Variants in PCDH11Y observed in about 807,000 individuals in gnomAD.
PCDH11Y encodes the protein protocadherin 11 Y-linked, also known as protocadherin-11 Y-linked.
For missense variants in PCDH11Y, 12 were observed against 224.8 expected, an observed-to-expected ratio of 0.05 and a Z score of 6.05; for synonymous variants, 9 against 83.6, an observed-to-expected ratio of 0.11 and a Z score of 4.87.
At chrY:5,390,881 C>A in intron 2 of PCDH11Y, among the ~76,000 whole-genome samples, 1 of 32,820 alleles carries the variant, frequency 3.0e-5, no homozygotes, top group African/African-American at 1.2e-4. Context: ...ATTGTGTAAA[C>A]TTAGGAAAAA....
At chrY:5,074,083 T>C in intron 1 of PCDH11Y, among the ~76,000 whole-genome samples, 1 of 32,894 alleles carries the variant, frequency 3.0e-5, no homozygotes, top group East Asian at 8.1e-4. Context: ...TGAAGCTAGA[T>C]AATTCTTCCT....
intron 2 of PCDH11Y, among the ~76,000 whole-genome samples, chrY:5,464,634 CACAG>C (rs2053306733): frequency 6.1e-5 from 2 of 32,729 alleles, no homozygotes; most frequent in African/African-American, 2.4e-4. Flanking sequence ...AGGTTGTCTT[CACAG>C]ACAGAGTCCT....
chrY:5,278,722 G>T, intron 2 of PCDH11Y, among the ~76,000 whole-genome samples: 1 of 33,090 alleles, frequency 3.0e-5, no homozygotes, highest in Non-Finnish European at 7.4e-5. Flanking sequence ...ATAATCTGAA[G>T]TGTGCCAAGA....
intron 2 of PCDH11Y, among the ~76,000 whole-genome samples, chrY:5,156,095 A>G: frequency 4.5e-5 from 1 of 22,107 alleles, no homozygotes; most frequent in Non-Finnish European, 1.0e-4. Context: ...GAGAGCAGAG[A>G]GAACAAGAGA....
At chrY:5,388,195 G>A in intron 2 of PCDH11Y, among the ~76,000 whole-genome samples, 1 of 29,794 alleles carries the variant, frequency 3.4e-5, no homozygotes, top group Non-Finnish European at 8.0e-5. Flanking sequence ...AGGAGACTTC[G>A]CATTTGGTTG....
chrY:5,068,010 C>G, intron 1 of PCDH11Y, among the ~76,000 whole-genome samples: 1 of 10,322 alleles, frequency 9.7e-5, no homozygotes, highest in East Asian at 2.5e-3. Flanking sequence ...AAGACTCCAT[C>G]TCAAAAAAAA....
intron 1 of PCDH11Y, among the ~76,000 whole-genome samples, chrY:5,018,786 T>C (rs2052564314): frequency 3.1e-5 from 1 of 32,225 alleles, no homozygotes; most frequent in African/African-American, 1.2e-4. Flanking sequence ...CCTTAGGGTA[T>C]TTAGTCAGAA....
intron 2 of PCDH11Y, among the ~76,000 whole-genome samples, chrY:5,332,488 T>A: frequency 2.9e-5 from 1 of 34,184 alleles, no homozygotes; most frequent in African/African-American, 1.1e-4. Flanking sequence ...TTGTGAAATA[T>A]CTTTGTATAT....
chrY:5,092,462 A>G, intron 1 of PCDH11Y, among the ~76,000 whole-genome samples: 1 of 33,392 alleles, frequency 3.0e-5, no homozygotes, highest in Non-Finnish European at 7.5e-5. Context: ...GAAGTAGTGC[A>G]TAGACTCTAA....
At chrY:5,126,932 C>T (rs2052826117) in intron 2 of PCDH11Y, among the ~76,000 whole-genome samples, 1 of 31,185 alleles carries the variant, frequency 3.2e-5, no homozygotes, top group Admixed American at 3.0e-4. Context: ...CTTTGTGCAC[C>T]GATCCAACAG....
At chrY:5,496,646 G>GT (rs148245949) in intron 2 of PCDH11Y, among the ~76,000 whole-genome samples, 45 of 27,472 alleles carry the variant, frequency 1.6e-3, no homozygotes, top group Middle Eastern at 0.017. Context: ...AAATGTTGTG[G>GT]TTTTTTTTTT....
chrY:5,168,240 T>C (rs2052882283), intron 2 of PCDH11Y, among the ~76,000 whole-genome samples: 1 of 31,093 alleles, frequency 3.2e-5, no homozygotes. Context: ...AATGAAACCA[T>C]GTAAGATGAA....
chrY:5,297,333 A>AG (rs2124662659), intron 2 of PCDH11Y, among the ~76,000 whole-genome samples: 1 of 33,009 alleles, frequency 3.0e-5, no homozygotes, highest in African/African-American at 1.2e-4. Context: ...TGCCTGGGGT[A>AG]GGGGGTGGCA....
chrY:5,411,692 T>A, intron 2 of PCDH11Y, among the ~76,000 whole-genome samples: 1 of 29,889 alleles, frequency 3.3e-5, no homozygotes, highest in East Asian at 9.1e-4. Flanking sequence ...GAATAGAGAG[T>A]CCTTTCCACA....
At chrY:5,319,578 A>C in intron 2 of PCDH11Y, among the ~76,000 whole-genome samples, 3 of 33,071 alleles carry the variant, frequency 9.1e-5, no homozygotes, top group Non-Finnish European at 1.5e-4. Context: ...ATGCATTATC[A>C]ACTGAAGAAC....
chrY:5,076,455 T>G, intron 1 of PCDH11Y, among the ~76,000 whole-genome samples: 1 of 33,456 alleles, frequency 3.0e-5, no homozygotes, highest in Admixed American at 2.8e-4. Flanking sequence ...TTTGGTTGCC[T>G]GTGCTTGTGA....
chrY:5,093,294 A>G, intron 1 of PCDH11Y, among the ~76,000 whole-genome samples: 1 of 33,040 alleles, frequency 3.0e-5, no homozygotes, highest in African/African-American at 1.2e-4. Context: ...AGGAAGAAAT[A>G]TCACTCACAA....
intron 3 of PCDH11Y, among the ~76,000 whole-genome samples, chrY:5,535,843 C>G: frequency 6.0e-5 from 2 of 33,507 alleles, no homozygotes; most frequent in African/African-American, 2.3e-4. Flanking sequence ...AGTTTACACT[C>G]CCACCAACCA....
chrY:5,634,786 CTG>C (rs376011278), intron 4 of PCDH11Y: 295 of 26,194 alleles, frequency 0.011, no homozygotes, highest in South Asian at 0.055. Context: ...AAAAATGTAT[CTG>C]TGTGTGTGTG....
Sources: gnomAD v4.1 joint callset for allele counts (sites outside exome capture counted in the v4.1 genomes callset) on GRCh38, gnomAD v4.1.1 for gene constraint, MANE v1.5 for transcripts, NCBI Gene and HGNC (gene_info 2026-07-23, HGNC 2026-07-21) for gene names.